Variants in TRDN observed in about 807,000 individuals in gnomAD.
TRDN encodes the protein triadin.
TRDN carries 161 observed loss-of-function variants against 149.7 expected under a neutral mutation model. The observed-to-expected ratio is 1.08, with a 90% CI of 0.95 to 1.23. The LOEUF is 1.23. Among genes scored for constraint, TRDN ranks in the 50% most tolerant of loss-of-function variants. The pLI is 0.00. For synonymous variants in TRDN, 294 were observed against 250.5 expected (o/e 1.17, Z -1.64); for missense variants, 896 against 823.5 (o/e 1.09, Z -1.08).
intron 9 of TRDN, among the ~76,000 whole-genome samples, chr6:123,472,452 T>C (rs1282832777): frequency 6.6e-6 from 1 of 152,206 alleles, no homozygotes; most frequent in East Asian, 1.9e-4. Flanking sequence ...ATCTCGCTGA[T>C]TGCTAGCACA....
rs561099635 is a variant in TRDN, at chr6:123,548,634, A to G, written c.233-22T>C. ...CTTGCTAAAAGTAATTAAAAAAAAA[A>G]AAAAAGAAAAAGTTTGTGATCATTT... On this transcript the variant is annotated intron_variant, in intron 2 of 40. Transcript: ENST00000334268. 3.7e-4 allele frequency: 501 copies of G among 1,349,624 alleles called. 2 individuals carry two copies. The African/African-American group carries it at 5.2e-3, about 14-fold the overall frequency. The allele number at this position is 1,349,624 out of a possible 1,614,324, so 83.6% of individuals were successfully genotyped here.
At chr6:123,302,544 C>T (rs548531848) in intron 24 of TRDN, among the ~76,000 whole-genome samples, 9 of 152,080 alleles carry the variant, frequency 5.9e-5, no homozygotes, top group East Asian at 1.9e-4. Context: ...AAGACCTCAC[C>T]GTTAGTTAGC....
At chr6:123,491,881 A>G (rs1778238823) in intron 9 of TRDN, among the ~76,000 whole-genome samples, 1 of 152,204 alleles carries the variant, frequency 6.6e-6, no homozygotes, top group South Asian at 2.1e-4. Flanking sequence ...AATGGTACCT[A>G]GTCTTGTCTA....
At chr6:123,412,605 T>C (rs1773487880) in intron 12 of TRDN, among the ~76,000 whole-genome samples, 1 of 152,210 alleles carries the variant, frequency 6.6e-6, no homozygotes, top group Admixed American at 6.5e-5. Flanking sequence ...TGAATACTCT[T>C]CTGGGTCTCT....
chr6:123,314,425 G>A (rs554949913), intron 24 of TRDN, among the ~76,000 whole-genome samples: 16 of 152,014 alleles, frequency 1.1e-4, no homozygotes, highest in Non-Finnish European at 2.2e-4. Context: ...GACCATTGTG[G>A]AAAACAGTGT....
intron 26 of TRDN, among the ~76,000 whole-genome samples, chr6:123,275,185 C>T (rs1777329849): frequency 1.3e-5 from 2 of 151,998 alleles, no homozygotes; most frequent in South Asian, 2.1e-4. Context: ...TCCTAACCCC[C>T]AGTACCTAAG....
intron 10 of TRDN, among the ~76,000 whole-genome samples, chr6:123,448,663 A>C (rs1370515648): frequency 1.3e-5 from 2 of 150,208 alleles, no homozygotes; most frequent in Non-Finnish European, 3.0e-5. Context: ...CAGGTAGCAG[A>C]AGACAAAAGG....
rs1775467888 is a variant in TRDN at position 123,228,357 on chromosome 6, C to G, written c.1976-4226G>C. ...TTTGTTTTCATACTGCCATAAAGAA[C>G]TGCCCAAGATGGGTAATTTATAAAG... On this transcript the variant is annotated intron_variant, in intron 38 of 40. Coordinates refer to ENST00000334268, the MANE Select transcript of TRDN (RefSeq NM_006073.4). Among the ~76,000 whole-genome samples, 3 of 151,880 alleles carry G rather than the reference C, an allele frequency of 2.0e-5. No individual in the cohort carries two copies. The South Asian group carries it at 6.2e-4, about 31-fold the overall frequency.
chr6:123,475,963 GCAA>G (rs1225619734), intron 9 of TRDN, among the ~76,000 whole-genome samples: 1 of 139,246 alleles, frequency 7.2e-6, no homozygotes, highest in East Asian at 2.3e-4. Flanking sequence ...TACTGAATGG[GCAA>G]AAACTGGAAG....
intron 21 of TRDN, among the ~76,000 whole-genome samples, chr6:123,344,504 T>G (rs1438986560): frequency 6.6e-6 from 1 of 152,078 alleles, no homozygotes; most frequent in Admixed American, 6.6e-5. Context: ...TTTTCCAGAA[T>G]GTCATACAGT....
At chr6:123,232,471 C>A (rs1775642233) in intron 38 of TRDN, among the ~76,000 whole-genome samples, 1 of 151,896 alleles carries the variant, frequency 6.6e-6, no homozygotes. Flanking sequence ...AGATCTAGTT[C>A]AGAAGTGGCT....
chr6:123,576,565 G>T (rs572966302), intron 1 of TRDN, among the ~76,000 whole-genome samples: 133 of 151,860 alleles, frequency 8.8e-4, no homozygotes, highest in African/African-American at 3.1e-3. Flanking sequence ...TGAGTGGAAC[G>T]GATGAGGAGT....
intron 10 of TRDN, among the ~76,000 whole-genome samples, chr6:123,450,809 T>C (rs1440409786): frequency 6.6e-6 from 1 of 152,000 alleles, no homozygotes; most frequent in East Asian, 1.9e-4. Flanking sequence ...TTCTATTCAA[T>C]AGTGCACGGA....
intron 20 of TRDN, among the ~76,000 whole-genome samples, chr6:123,352,882 T>C (rs552559895): frequency 3.9e-5 from 6 of 152,068 alleles, no homozygotes; most frequent in South Asian, 2.1e-4. Context: ...GACAGGACTA[T>C]GATTAATCTA....
At chr6:123,513,133 C>T (rs918418373) in intron 6 of TRDN, among the ~76,000 whole-genome samples, 1 of 152,094 alleles carries the variant, frequency 6.6e-6, no homozygotes, top group African/African-American at 2.4e-5. Flanking sequence ...CAGGTGCCTC[C>T]TCCTCCAGAG....
chr6:123,368,111 G>A (rs1009821147), intron 19 of TRDN, among the ~76,000 whole-genome samples: 4 of 152,040 alleles, frequency 2.6e-5, no homozygotes, highest in African/African-American at 4.8e-5. Flanking sequence ...CCCTCCTGAT[G>A]GTAGTCTTCT....
intron 2 of TRDN, among the ~76,000 whole-genome samples, chr6:123,567,439 C>A (rs1240810632): frequency 6.6e-6 from 1 of 152,126 alleles, no homozygotes; most frequent in African/African-American, 2.4e-5. Context: ...AAAGAAATAC[C>A]TGAGACTGGG....
chr6:123,624,608 G>A (rs1259119484), intron 1 of TRDN, among the ~76,000 whole-genome samples: 1 of 152,130 alleles, frequency 6.6e-6, no homozygotes, highest in Non-Finnish European at 1.5e-5. Flanking sequence ...CCACTGGCCT[G>A]ACCACTAGTT....
At chr6:123,308,771 T>A (rs1423676530) in intron 24 of TRDN, among the ~76,000 whole-genome samples, 1 of 151,994 alleles carries the variant, frequency 6.6e-6, no homozygotes, top group Non-Finnish European at 1.5e-5. Flanking sequence ...TGAAACAGTT[T>A]GATGATTACA....
Sources: gnomAD v4.1 joint callset for allele counts (sites outside exome capture counted in the v4.1 genomes callset) on GRCh38, gnomAD v4.1.1 for gene constraint, MANE v1.5 for transcripts, NCBI Gene and HGNC (gene_info 2026-07-23, HGNC 2026-07-21) for gene names.